Variants in STOX1 observed in about 807,000 individuals in gnomAD.
STOX1 encodes the protein storkhead box 1, also known as storkhead-box protein 1.
Under a neutral mutation model 74.8 loss-of-function variants are expected in STOX1, and 57 were observed. That is an observed-to-expected ratio of 0.76 (90% CI 0.62 to 0.95). STOX1 has a LOEUF of 0.95. Among genes scored for constraint, STOX1 ranks in the 40% least tolerant of loss-of-function variants. The pLI, the probability that STOX1 is intolerant of heterozygous loss-of-function variation, is 0.00. For missense variants in STOX1, 1,010 were observed against 1,117.0 expected, an observed-to-expected ratio of 0.90 and a Z score of 1.37; for synonymous variants, 375 against 401.3, an observed-to-expected ratio of 0.93 and a Z score of 0.78.
Position 68,885,539 on chromosome 10 carries a change from C to T in STOX1, c.1743C>T (p.His581=). The T allele has an allele frequency of 1.2e-6, 2 of 1,614,184 alleles. No homozygotes were observed. The highest frequency in any genetic ancestry group is 1.7e-6 in the Non-Finnish European group (2 of 1,180,042). The change falls in exon 3 of 4, where the codon CAC becomes CAT. Residue 581 remains histidine, a synonymous_variant. Transcript: ENST00000298596. ...VKPINDDFRG[H]LFSHPQQSML... Reference sequence around the variant, plus strand: ...CCATCAATGATGACTTCAGAGGTCACCTCTTCAGTCACCCTCAACAGAGCA... The same window carrying T: ...CCATCAATGATGACTTCAGAGGTCATCTCTTCAGTCACCCTCAACAGAGCA...
At chr10:68,873,837 G>A (rs1372661159) in intron 1 of STOX1, among the ~76,000 whole-genome samples, 1 of 149,340 alleles carries the variant, frequency 6.7e-6, no homozygotes, top group Non-Finnish European at 1.5e-5. Context: ...TTTTAGTAGA[G>A]ACTGGGTTTC....
At chr10:68,863,004 TATTGCCAGCCAAG>T (rs1840296724) in intron 1 of STOX1, among the ~76,000 whole-genome samples, 1 of 152,084 alleles carries the variant, frequency 6.6e-6, no homozygotes, top group Non-Finnish European at 1.5e-5. Context: ...GTCCAGGCAT[TATTGCCAGCCAAG>T]ATTGATAGCA....
rs1840910491 is a variant in STOX1 at position 68,885,116 on chromosome 10, T to C, written c.1320T>C (p.Ser440=). The C allele has an allele frequency of 6.2e-7, 1 of 1,612,918 alleles. No individual in the cohort carries two copies. Among genetic ancestry groups the C allele is most frequent in the Non-Finnish European group, 8.5e-7 (1 of 1,179,342 alleles). ...GACACAAAGCCAGGAATCAGGGAAGTGAGTTTCAGCCAGGAAGCATTAGAC... is the reference window on the plus strand; with the variant it reads ...GACACAAAGCCAGGAATCAGGGAAGCGAGTTTCAGCCAGGAAGCATTAGAC... ...RDRHKARNQG[S]EFQPGSIRLE... is the part of the protein sequence containing the mutation. Residue 440 remains serine (S), a synonymous_variant, in exon 3 of 4, where the codon AGT becomes AGC. Coordinates refer to ENST00000298596, the MANE Select transcript of STOX1 (RefSeq NM_152709.5).
chr10:68,828,630 C>G (rs2133476307), intron 1 of STOX1, among the ~76,000 whole-genome samples: 1 of 152,280 alleles, frequency 6.6e-6, no homozygotes, highest in African/African-American at 2.4e-5. Flanking sequence ...CTAGGCTCCA[C>G]CGGGGCGGTT....
rs558323181 is a variant in STOX1 at position 68,870,642 on chromosome 10, A to C, written c.311-11316A>C. Reference sequence around the variant, plus strand: ...TCACAGGTACTCTTAAAAGCAGATAAATTTTCTCTGGCAAGAAGCAGAAGC... The same window carrying C: ...TCACAGGTACTCTTAAAAGCAGATACATTTTCTCTGGCAAGAAGCAGAAGC... On this transcript the variant is annotated intron_variant, in intron 1 of 3. Coordinates refer to ENST00000298596, the MANE Select transcript of STOX1 (RefSeq NM_152709.5). Among the ~76,000 whole-genome samples, 12 of 152,306 alleles carry C rather than the reference A, an allele frequency of 7.9e-5. No homozygotes were observed. The South Asian group carries it at 1.9e-3, about 24-fold the overall frequency.
intron 1 of STOX1, among the ~76,000 whole-genome samples, chr10:68,853,629 A>G (rs1435576365): frequency 2.0e-5 from 3 of 152,102 alleles, no homozygotes; most frequent in Admixed American, 6.5e-5. Context: ...AGTCACTTCA[A>G]TTAAAGTATG....
rs758896678 is a variant in STOX1 at position 68,884,643 on chromosome 10, G to T, written c.847G>T (p.Ala283Ser). Reference protein sequence around the residue: ...GESVSWVQNGAVSVSAEHHIC... With the variant: ...GESVSWVQNGSVSVSAEHHIC... ...ATCCGTATCTTGGGTACAGAATGGG[G>T]CAGTTTCAGTGTCTGCGGAGCACCA... The change falls in exon 3 of 4, where the codon GCA becomes TCA. Residue 283 changes from alanine (A) to serine (S), a missense_variant. Coordinates refer to ENST00000298596, the MANE Select transcript of STOX1 (RefSeq NM_152709.5). The T allele has an allele frequency of 6.2e-7, 1 of 1,614,074 alleles. No individual in the cohort carries two copies. The highest frequency in any genetic ancestry group is 1.1e-5 in the South Asian group (1 of 91,088).
At chr10:68,891,883 C>T (rs961319837) in intron 3 of STOX1, among the ~76,000 whole-genome samples, 1 of 151,588 alleles carries the variant, frequency 6.6e-6, no homozygotes. Context: ...GTAGTGGGTG[C>T]GATCTTGGCT....
chr10:68,829,647 C>A (rs1013354433), intron 1 of STOX1, among the ~76,000 whole-genome samples: 24 of 152,194 alleles, frequency 1.6e-4, no homozygotes, highest in Non-Finnish European at 2.5e-4. Context: ...GATGGTATTA[C>A]CACATCCCAG....
rs73266450 is a variant in STOX1 at position 68,859,741 on chromosome 10, G to A, written c.311-22217G>A. Reference sequence around the variant, plus strand: ...TCTAAAAATGACTTGAACAAATGAGGGACAGATTCCAACAAGAAGCTTGGA... The same window carrying A: ...TCTAAAAATGACTTGAACAAATGAGAGACAGATTCCAACAAGAAGCTTGGA... On this transcript the variant is annotated intron_variant, in intron 1 of 3. Transcript: ENST00000298596. Among the ~76,000 whole-genome samples the A allele has an allele frequency of 1.1e-3, 160 of 152,044 alleles. 1 individual carries two copies. Among genetic ancestry groups the A allele is most frequent in the African/African-American group, 3.7e-3 (153 of 41,410 alleles).
Position 68,892,804 on chromosome 10 carries a change from T to C in STOX1, c.*68T>C. 6.6e-7 allele frequency: 1 copy of C among 1,510,366 alleles called. No homozygotes were observed. The allele number at this position is 1,510,366 out of a possible 1,614,324, so 93.6% of individuals were successfully genotyped here. ...GCATTATTACAGAATCTTTCAATCATGTAAGAATTGAGTATATAAGAATTG... is the reference window on the plus strand; with the variant it reads ...GCATTATTACAGAATCTTTCAATCACGTAAGAATTGAGTATATAAGAATTG... On this transcript the variant is annotated 3_prime_UTR_variant, in exon 4 of 4. Transcript: ENST00000298596.
At chr10:68,829,122 C>T (rs1839341063) in intron 1 of STOX1, 2 of 340,866 alleles carry the variant, frequency 5.9e-6, no homozygotes, top group South Asian at 1.2e-4. Flanking sequence ...CCAAGGAACC[C>T]CTCTGTATTA....
At chr10:68,838,766 C>G (rs1241745753) in intron 1 of STOX1, among the ~76,000 whole-genome samples, 1 of 151,992 alleles carries the variant, frequency 6.6e-6, no homozygotes, top group Non-Finnish European at 1.5e-5. Context: ...AAAAATTAGC[C>G]AGGTGTGGTG....
chr10:68,854,867 G>A (rs1365827622), intron 1 of STOX1, among the ~76,000 whole-genome samples: 1 of 152,068 alleles, frequency 6.6e-6, no homozygotes, highest in Non-Finnish European at 1.5e-5. Context: ...AGTAGATAAG[G>A]CTCCTAATGC....
intron 1 of STOX1, among the ~76,000 whole-genome samples, chr10:68,863,794 T>C (rs1246351922): frequency 6.6e-6 from 1 of 152,048 alleles, no homozygotes; most frequent in African/African-American, 2.4e-5. Flanking sequence ...GAATCAGAAA[T>C]CACTTTAATA....
chr10:68,829,615 A>T (rs1210630356), intron 1 of STOX1, among the ~76,000 whole-genome samples: 2 of 152,182 alleles, frequency 1.3e-5, no homozygotes, highest in African/African-American at 4.8e-5. Context: ...TGACCCACCG[A>T]TAACTGTATC....
intron 3 of STOX1, among the ~76,000 whole-genome samples, chr10:68,889,486 A>T (rs566594771): frequency 5.5e-4 from 84 of 152,240 alleles, no homozygotes; most frequent in Non-Finnish European, 9.6e-4. Context: ...AACAAATCAT[A>T]CAGAGCCATG....
chr10:68,842,016 G>A (rs1839702891), intron 1 of STOX1, among the ~76,000 whole-genome samples: 1 of 151,290 alleles, frequency 6.6e-6, no homozygotes, highest in African/African-American at 2.4e-5. Context: ...TGTGTGTGTT[G>A]GAGGATCATG....
intron 1 of STOX1, among the ~76,000 whole-genome samples, chr10:68,829,268 A>C (rs916709437): frequency 1.3e-5 from 2 of 152,232 alleles, no homozygotes; most frequent in African/African-American, 4.8e-5. Flanking sequence ...TGAGTTCAGG[A>C]GTTAGAGACC....
Sources: allele counts gnomAD v4.1 joint callset (sites outside exome capture counted in the v4.1 genomes callset), GRCh38; gene constraint gnomAD v4.1.1; transcripts MANE v1.5; gene names NCBI Gene and HGNC (gene_info 2026-07-23, HGNC 2026-07-21).